OR7C1: variants seen among roughly 807,000 people sequenced by gnomAD.
OR7C1 encodes olfactory receptor 7C1.
For missense variants in OR7C1, 324 were observed against 383.3 expected (o/e 0.85, Z 1.29); for synonymous variants, 152 against 160.7 (o/e 0.95, Z 0.41).
intron 1 of OR7C1, among the ~76,000 whole-genome samples, chr19:14,831,785 T>C (rs1035062058): frequency 1.3e-5 from 2 of 152,030 alleles, no homozygotes; most frequent in African/African-American, 4.8e-5. Context: ...TGAATTTTGA[T>C]CACTTTTTTG....
intron 2 of OR7C1, among the ~76,000 whole-genome samples, chr19:14,805,129 C>T (rs957773908): frequency 4.0e-5 from 6 of 151,878 alleles, no homozygotes; most frequent in African/African-American, 1.2e-4. Flanking sequence ...TTTGAATTCA[C>T]AAGCACGGGG....
chr19:14,816,317 G>T (rs1306493928), intron 1 of OR7C1, among the ~76,000 whole-genome samples: 1 of 152,122 alleles, frequency 6.6e-6, no homozygotes, highest in African/African-American at 2.4e-5. Context: ...GTCTGTGAGG[G>T]TGTTGCCAAA....
intron 1 of OR7C1, among the ~76,000 whole-genome samples, chr19:14,832,201 C>T (rs1353553075): frequency 1.3e-5 from 2 of 151,904 alleles, no homozygotes; most frequent in East Asian, 1.9e-4. Context: ...TGAGTCACCT[C>T]GCTTGGCCTG....
Position 14,799,578 on chromosome 19 carries a change from G to A in OR7C1, c.559C>T (p.Leu187Phe), listed in dbSNP as rs150908950. 5.6e-4 allele frequency: 901 copies of A among 1,614,170 alleles called. 8 individuals are homozygous for A. In the African/African-American group the frequency reaches 0.011, roughly 19 times the overall value. ...TTAATGAAGGTGTCAGAACAGGCGA[G>A]CTTCAGGACTTCAAGTAGATCACAA... The change falls in exon 5 of 5, where the codon CTC becomes TTC. Residue 187 changes from leucine (L) to phenylalanine (F), a missense_variant. Leu to Phe is a conservative substitution (Grantham distance 22). Coordinates refer to ENST00000641666, the Ensembl canonical transcript of OR7C1.
At chr19:14,799,127 A>G (rs750904189) in exon 5 of OR7C1, 1 of 1,543,344 alleles carries the variant, frequency 6.5e-7, no homozygotes. Flanking sequence ...GTTTGGATAC[A>G]TTCAAGAACC....
intron 1 of OR7C1, among the ~76,000 whole-genome samples, chr19:14,822,366 C>A (rs1179862368): frequency 5.3e-5 from 7 of 132,548 alleles, no homozygotes; most frequent in East Asian, 2.2e-4. Context: ...CAGCACTTAT[C>A]TCCTGTCTTT....
At chr19:14,814,864 C>G in intron 1 of OR7C1, among the ~76,000 whole-genome samples, 1 of 152,190 alleles carries the variant, frequency 6.6e-6, no homozygotes, top group Non-Finnish European at 1.5e-5. Flanking sequence ...TGGTTCACTA[C>G]ACAACAACCA....
chr19:14,824,257 T>TTTAGA (rs2044754598), intron 1 of OR7C1: 2 of 152,128 alleles, frequency 1.3e-5, no homozygotes, highest in Non-Finnish European at 2.9e-5. Flanking sequence ...AATCATGGGG[T>TTTAGA]ATATGTGTAG....
exon 4 of OR7C1, chr19:14,800,269 T>A: frequency 9.6e-7 from 1 of 1,038,452 alleles, no homozygotes; most frequent in Non-Finnish European, 1.4e-6. Flanking sequence ...TTTCTTGCTG[T>A]CTTTTTCTGG....
chr19:14,800,088 A>T lies in OR7C1; in HGVS notation c.49T>A (p.Phe17Ile), dbSNP rs149561973. Reference sequence around the variant, plus strand: ...AACTGAATCTCTGACGTTGCTGAAAATCCCAGGAGGAGAAATTCTTGGGCA... The same window carrying T: ...AACTGAATCTCTGACGTTGCTGAAATTCCCAGGAGGAGAAATTCTTGGGCA... The change falls in exon 5 of 5, where the codon TTT (phenylalanine) becomes ATT (isoleucine). Residue 17 changes from phenylalanine to isoleucine, a missense_variant. Phe to Ile is a conservative substitution (Grantham distance 21). Transcript: ENST00000641666. 3.6e-4 allele frequency: 571 copies of T among 1,601,586 alleles called. 3 individuals carry two copies. In the African/African-American group the frequency reaches 7.2e-3, roughly 20 times the overall value.
At chr19:14,822,165 C>T (rs942431237) in intron 1 of OR7C1, among the ~76,000 whole-genome samples, 13 of 152,246 alleles carry the variant, frequency 8.5e-5, no homozygotes, top group Admixed American at 5.2e-4. Context: ...GCAACGAATG[C>T]GGAAGTGCAG....
At position 14,829,178 on chromosome 19, in the gene OR7C1, G is replaced by C. The variant is rs145305222; in HGVS notation, c.-623+5896C>G. Among the ~76,000 whole-genome samples, 15 of 152,300 alleles carry C rather than the reference G, an allele frequency of 9.8e-5. No individual in the cohort carries two copies. In the East Asian group the frequency reaches 2.5e-3, roughly 25 times the overall value. On this transcript the variant is annotated intron_variant, in intron 1 of 4. Transcript: ENST00000641666. ...TGGGTGCCTGGCAGGAGGAATGGCA[G>C]TACAAAAACTTTGAGGGATGTGCTT...
intron 1 of OR7C1, among the ~76,000 whole-genome samples, chr19:14,817,340 G>A (rs962384599): frequency 6.6e-6 from 1 of 152,136 alleles, no homozygotes; most frequent in Non-Finnish European, 1.5e-5. Context: ...CATTTAGGTC[G>A]AGTCCATGTT....
intron 1 of OR7C1, among the ~76,000 whole-genome samples, chr19:14,830,695 A>G (rs1050445752): frequency 1.3e-5 from 2 of 152,242 alleles, no homozygotes; most frequent in African/African-American, 2.4e-5. Context: ...ACTAGAAATA[A>G]GTAAATAAAG....
intron 1 of OR7C1, chr19:14,827,592 G>A (rs1422440071): frequency 6.2e-7 from 1 of 1,614,176 alleles, no homozygotes; most frequent in African/African-American, 1.3e-5. Flanking sequence ...CTTAGAGTAA[G>A]AGTAAAGGAT....
rs374242279 is a variant in OR7C1, at chr19:14,808,790, T to G, written c.-435+1016A>C. ...TCTGTAAAATAAAAGTTTTTCCATT[T>G]ATGTAGACACATTTCAACCTAACAG... On this transcript the variant is annotated intron_variant, in intron 2 of 4. Transcript: ENST00000641666. Among the ~76,000 whole-genome samples the G allele has an allele frequency of 6.0e-4, 91 of 152,144 alleles. No homozygotes were observed. In the East Asian group the frequency reaches 0.016, roughly 27 times the overall value.
chr19:14,799,193 A>G, exon 5 of OR7C1: 1 of 1,611,850 alleles, frequency 6.2e-7, no homozygotes, highest in Non-Finnish European at 8.5e-7. Context: ...TCCTGCAGTG[A>G]TGTCACCATT....
intron 2 of OR7C1, among the ~76,000 whole-genome samples, chr19:14,807,582 C>T (rs767560673): frequency 6.6e-6 from 1 of 151,890 alleles, no homozygotes; most frequent in Admixed American, 6.6e-5. Context: ...AGAGTAAACC[C>T]TTGTGCCTCA....
At chr19:14,811,896 C>A (rs141897827) in intron 1 of OR7C1, among the ~76,000 whole-genome samples, 1 of 151,962 alleles carries the variant, frequency 6.6e-6, no homozygotes, top group Non-Finnish European at 1.5e-5. Flanking sequence ...CACCTCCTCC[C>A]GTGCGGCCTA....
Sources: gnomAD v4.1 joint callset for allele counts (sites outside exome capture counted in the v4.1 genomes callset) on GRCh38, gnomAD v4.1.1 for gene constraint, MANE v1.5 for transcripts, NCBI Gene and HGNC (gene_info 2026-07-23, HGNC 2026-07-21) for gene names.